CDC73: variants seen among roughly 807,000 people sequenced by gnomAD.
The protein encoded by CDC73 is cell division cycle 73.
CDC73 carries 21 observed loss-of-function variants against 83.7 expected under a neutral mutation model. That is an observed-to-expected ratio of 0.25 (90% CI 0.18 to 0.36). CDC73 has a LOEUF of 0.36. Ranked by LOEUF, CDC73 falls within the 10% of genes least tolerant of loss-of-function variation. The probability of loss-of-function intolerance (pLI) is 1.00; values close to 1 mark genes in which losing one functional copy is unlikely to be tolerated. For missense variants in CDC73, 342 were observed against 653.3 expected, an observed-to-expected ratio of 0.52 and a Z score of 5.19; for synonymous variants, 224 against 212.9, an observed-to-expected ratio of 1.05 and a Z score of -0.45.
chr1:193,127,289 A>ATGTGTGTGTG (rs34948918), intron 2 of CDC73, among the ~76,000 whole-genome samples: 153 of 143,256 alleles, frequency 1.1e-3, no homozygotes, highest in Middle Eastern at 3.6e-3. Flanking sequence ...AAAAAAAAAA[A>ATGTGTGTGTG]TGTGTGTGTG....
In CDC73 at chr1:193,254,450, C is replaced by T. The variant is rs1410353800; in HGVS notation, c.*3738C>T. Among the ~76,000 whole-genome samples the T allele has an allele frequency of 6.6e-6, 1 of 152,012 alleles. No homozygotes were observed. Among genetic ancestry groups the T allele is most frequent in the African/African-American group, 2.4e-5 (1 of 41,410 alleles). ...ATAGAAATAAAAAGTGGAGAAATGA[C>T]TAAAGTTGACTTAAGTTAAGAATTG... is the stretch of plus-strand genomic sequence containing the variant. On this transcript the variant is annotated 3_prime_UTR_variant, in exon 17 of 17. Transcript: ENST00000367435.
intron 10 of CDC73, among the ~76,000 whole-genome samples, chr1:193,159,437 C>T (rs989152439): frequency 6.6e-6 from 1 of 152,230 alleles, no homozygotes; most frequent in South Asian, 2.1e-4. Flanking sequence ...GTAGCGTGAT[C>T]TCAGCTCAGT....
At chr1:193,186,634 C>G (rs539694030) in intron 10 of CDC73, 1 of 152,118 alleles carries the variant, frequency 6.6e-6, no homozygotes, top group Admixed American at 6.6e-5. Flanking sequence ...GATGCTCTCT[C>G]TGACAGAGCA....
At chr1:193,186,179 C>G (rs1189074346) in intron 10 of CDC73, 1 of 153,062 alleles carries the variant, frequency 6.5e-6, no homozygotes, top group East Asian at 1.9e-4. Context: ...GTCCATCTGT[C>G]TGCTTGTCTT....
intron 11 of CDC73, among the ~76,000 whole-genome samples, chr1:193,205,204 C>T (rs945789310): frequency 8.2e-6 from 1 of 122,382 alleles, no homozygotes; most frequent in African/African-American, 3.5e-5. Flanking sequence ...GTCCCCCCCC[C>T]CCCCTTTTTT....
intron 11 of CDC73, among the ~76,000 whole-genome samples, chr1:193,210,653 C>T (rs572642422): frequency 1.3e-5 from 2 of 152,198 alleles, no homozygotes; most frequent in East Asian, 1.9e-4. Flanking sequence ...CTTTGGGAGG[C>T]TGAGGTGGGA....
intron 15 of CDC73, among the ~76,000 whole-genome samples, chr1:193,244,678 T>G (rs1439153462): frequency 6.6e-6 from 1 of 152,230 alleles, no homozygotes. Flanking sequence ...CAGCTGTTCC[T>G]TCTGCCTAAA....
chr1:193,212,182 C>A, intron 12 of CDC73, 82 bp downstream of exon 12: 1 of 1,148,548 alleles, frequency 8.7e-7, no homozygotes, highest in Non-Finnish European at 1.3e-6. Flanking sequence ...TCTTGTGCAG[C>A]TGTATCACAT....
chr1:193,196,109 G>C (rs1375684988), intron 10 of CDC73, among the ~76,000 whole-genome samples: 2 of 152,108 alleles, frequency 1.3e-5, no homozygotes, highest in African/African-American at 4.8e-5. Context: ...TCTTCTAAGA[G>C]TTTTATAGTT....
intron 15 of CDC73, among the ~76,000 whole-genome samples, chr1:193,246,518 T>TAGC (rs897254707): frequency 6.6e-6 from 1 of 152,096 alleles, no homozygotes; most frequent in African/African-American, 2.4e-5. Flanking sequence ...CAAAAACCAC[T>TAGC]AGCACTGTGG....
chr1:193,176,986 A>G (rs917894539), intron 10 of CDC73, among the ~76,000 whole-genome samples: 8 of 152,192 alleles, frequency 5.3e-5, no homozygotes, highest in African/African-American at 1.9e-4. Flanking sequence ...CCATTAAACA[A>G]CAACTGGAAA....
chr1:193,196,374 G>C (rs944669380), intron 10 of CDC73, among the ~76,000 whole-genome samples: 27 of 152,064 alleles, frequency 1.8e-4, no homozygotes, highest in African/African-American at 6.3e-4. Context: ...TCTGTTTACT[G>C]TTGCTTTGCA....
At chr1:193,139,693 C>A (rs947052346) in intron 6 of CDC73, among the ~76,000 whole-genome samples, 2 of 152,148 alleles carry the variant, frequency 1.3e-5, no homozygotes, top group African/African-American at 4.8e-5. Context: ...CCCACATCAT[C>A]TTTAGCTTTT....
intron 13 of CDC73, among the ~76,000 whole-genome samples, chr1:193,229,331 T>G (rs1677617144): frequency 1.3e-5 from 2 of 152,250 alleles, no homozygotes; most frequent in African/African-American, 4.8e-5. Flanking sequence ...TACTGAACAT[T>G]TGTGTCCCAC....
intron 10 of CDC73, chr1:193,180,523 C>CA: frequency 6.2e-7 from 1 of 1,614,040 alleles, no homozygotes; most frequent in Non-Finnish European, 8.5e-7. Context: ...CTTGGCAAGA[C>CA]AGATCCCTAC....
chr1:193,139,336 G>C (rs1364228540), intron 6 of CDC73, among the ~76,000 whole-genome samples: 1 of 150,524 alleles, frequency 6.6e-6, no homozygotes, highest in Non-Finnish European at 1.5e-5. Context: ...GCGTGATCTC[G>C]GCTCACTGCA....
chr1:193,243,634 T>A (rs1677900359), intron 15 of CDC73, among the ~76,000 whole-genome samples: 1 of 152,190 alleles, frequency 6.6e-6, no homozygotes, highest in African/African-American at 2.4e-5. Flanking sequence ...ATGGAAATGA[T>A]TAAAATGTTG....
intron 10 of CDC73, among the ~76,000 whole-genome samples, chr1:193,162,370 A>G (rs180670674): frequency 0.025 from 3,514 of 139,160 alleles, 70 homozygotes; most frequent in Middle Eastern, 0.091. Context: ...TATATAGTGT[A>G]TATATATATA....
chr1:193,204,856 A>G (rs1165097296), intron 11 of CDC73, among the ~76,000 whole-genome samples: 6 of 152,208 alleles, frequency 3.9e-5, no homozygotes, highest in Non-Finnish European at 7.3e-5. Flanking sequence ...GTTCCGTGGT[A>G]GTATGTACAG....
Sources: gnomAD v4.1 joint callset for allele counts (sites outside exome capture counted in the v4.1 genomes callset) on GRCh38, gnomAD v4.1.1 for gene constraint, MANE v1.5 for transcripts, NCBI Gene and HGNC (gene_info 2026-07-23, HGNC 2026-07-21) for gene names.